ATG4C: variants seen among roughly 807,000 people sequenced by gnomAD.
The protein encoded by ATG4C is cysteine protease ATG4C.
A neutral mutation model predicts 57.6 loss-of-function variants in ATG4C; 56 were observed. The ratio of observed to expected loss-of-function variants is 0.97; its 90% confidence interval spans 0.78 to 1.21. The LOEUF is 1.21. ATG4C is among the 50% of genes most tolerant of loss of function. ATG4C has a pLI of 0.00. For synonymous variants in ATG4C, 157 were observed against 174.1 expected (o/e 0.90, Z 0.78); for missense variants, 595 against 529.8 (o/e 1.12, Z -1.21).
At chr1:62,784,544 A>G (rs1664018424) in intron 1 of ATG4C, among the ~76,000 whole-genome samples, 1 of 152,016 alleles carries the variant, frequency 6.6e-6, no homozygotes, top group Non-Finnish European at 1.5e-5. Flanking sequence ...GTTTTCTTAG[A>G]TGTTGCAGGC....
chr1:62,864,023 C>A lies in ATG4C; in HGVS notation c.1241C>A (p.Pro414His). 1.3e-6 allele frequency: 2 copies of A among 1,581,146 alleles called. No homozygotes were observed. The highest frequency in any genetic ancestry group is 2.3e-5 in the East Asian group (1 of 44,350). ...MLKFSSKEKY[P>H]LFTFVNGHSR... ...AAATTTTCTTCTAAGGAGAAATATC[C>A]CTTATTTACTTTTGTAAATGGTCAT... The change falls in exon 11 of 11, where the codon CCC becomes CAC. Residue 414 changes from proline (P) to histidine (H), a missense_variant. Coordinates refer to ENST00000317868, the MANE Select transcript of ATG4C (RefSeq NM_032852.4).
At chr1:62,793,848 A>G (rs979421358) in intron 1 of ATG4C, among the ~76,000 whole-genome samples, 9 of 150,698 alleles carry the variant, frequency 6.0e-5, no homozygotes, top group Admixed American at 1.3e-4. Flanking sequence ...AAGTCTCTAT[A>G]TTAACTTACG....
chr1:62,790,024 C>T (rs1664223767), intron 1 of ATG4C, among the ~76,000 whole-genome samples: 1 of 151,820 alleles, frequency 6.6e-6, no homozygotes, highest in Non-Finnish European at 1.5e-5. Flanking sequence ...AAGCGATTCT[C>T]CTGCCTCAGC....
rs1666944429 is a variant in ATG4C, at chr1:62,864,401, C to G, written c.*242C>G. The stretch of plus-strand genomic sequence containing the variant: ...TGCATTCCTATTTCCCTAAGATCTA[C>G]TAGTGATAATTCTACCTTAACTGTA... On this transcript the variant is annotated 3_prime_UTR_variant, in exon 11 of 11. Coordinates refer to ENST00000317868, the MANE Select transcript of ATG4C (RefSeq NM_032852.4). 3.0e-6 allele frequency: 1 copy of G among 338,584 alleles called. No individual in the cohort carries two copies. The highest frequency in any genetic ancestry group is 5.4e-6 in the Non-Finnish European group (1 of 185,022). The allele number at this position is 338,584 out of a possible 1,614,324, so 21.0% of individuals were successfully genotyped here. A position where few individuals can be genotyped will look rare whatever the true frequency, so the allele number is the denominator to read the frequency against.
At chr1:62,787,960 T>A (rs1664145114) in intron 1 of ATG4C, among the ~76,000 whole-genome samples, 1 of 152,002 alleles carries the variant, frequency 6.6e-6, no homozygotes, top group Non-Finnish European at 1.5e-5. Flanking sequence ...AGAAAAAAAA[T>A]TTATTTGGTA....
chr1:62,834,749 T>C (rs1431688172), intron 8 of ATG4C, 27 bp from the exon 9 acceptor site: 1 of 1,582,670 alleles, frequency 6.3e-7, no homozygotes, highest in Non-Finnish European at 8.7e-7. Flanking sequence ...TTTTTTGAAT[T>C]ACTTGTCTTC....
rs771319313 is a variant in ATG4C, at chr1:62,819,148, G to A, written c.538G>A (p.Glu180Lys). 2.7e-5 allele frequency: 44 copies of A among 1,613,098 alleles called. No individual in the cohort carries two copies. The South Asian group carries it at 4.2e-4, about 15-fold the overall frequency. The change falls in exon 5 of 11, where the codon GAA becomes AAA. Residue 180 changes from glutamate to lysine, a missense_variant. By Grantham distance (56) the Glu-to-Lys change is moderately conservative. Coordinates refer to ENST00000317868, the MANE Select transcript of ATG4C (RefSeq NM_032852.4). ...EFKTPTISLK[E>K]TIGKYSDDHE... ...CAAAACCCCAACAATTTCTCTGAAG[G>A]AAACAATTGGGAAATATTCTGATGA...
intron 1 of ATG4C, among the ~76,000 whole-genome samples, chr1:62,800,903 A>G (rs1307475496): frequency 2.0e-5 from 3 of 152,196 alleles, no homozygotes; most frequent in African/African-American, 7.2e-5. Flanking sequence ...TAGAGAGGGC[A>G]GTCAGGAAAT....
intron 9 of ATG4C, among the ~76,000 whole-genome samples, chr1:62,835,823 G>C (rs1169697253): frequency 6.6e-6 from 1 of 152,008 alleles, no homozygotes; most frequent in African/African-American, 2.4e-5. Flanking sequence ...ATATTTGCTA[G>C]TTGACTGATT....
At chr1:62,822,897 A>G (rs115877795) in intron 6 of ATG4C, among the ~76,000 whole-genome samples, 2,215 of 152,282 alleles carry the variant, frequency 0.015, 53 homozygotes, top group African/African-American at 0.051. Flanking sequence ...GCTCATGCCT[A>G]TAATCCCAGC....
At chr1:62,827,876 T>C (rs1231636364) in intron 6 of ATG4C, among the ~76,000 whole-genome samples, 1 of 152,196 alleles carries the variant, frequency 6.6e-6, no homozygotes, top group Non-Finnish European at 1.5e-5. Context: ...GTTCTAATCA[T>C]TTAGCTCCTA....
At chr1:62,816,034 GC>G (rs1250145611) in intron 3 of ATG4C, among the ~76,000 whole-genome samples, 25 of 152,166 alleles carry the variant, frequency 1.6e-4, no homozygotes, top group African/African-American at 5.8e-4. Flanking sequence ...ATAGATGTGA[GC>G]CACCATGCCT....
chr1:62,792,972 C>T (rs1664330611), intron 1 of ATG4C, among the ~76,000 whole-genome samples: 1 of 151,280 alleles, frequency 6.6e-6, no homozygotes, highest in African/African-American at 2.4e-5. Flanking sequence ...CTGCAAGCTG[C>T]ACGTCCCGGG....
At chr1:62,858,080 G>C (rs1470986672) in intron 10 of ATG4C, among the ~76,000 whole-genome samples, 6 of 152,186 alleles carry the variant, frequency 3.9e-5, no homozygotes, top group Non-Finnish European at 8.8e-5. Flanking sequence ...CAAGAGAATT[G>C]TAGAAGCTGT....
Position 62,841,613 on chromosome 1 carries a change from G to GTAA in ATG4C, c.1209+66_1209+67insTAA, listed in dbSNP as rs1247951666. The GTAA allele has an allele frequency of 2.4e-6, 3 of 1,275,812 alleles. No individual in the cohort carries two copies. The East Asian group carries it at 8.0e-5, about 34-fold the overall frequency. 79.0% of individuals were successfully genotyped at this position (1,275,812 alleles called of 1,614,324 possible). On this transcript the variant is annotated intron_variant, in intron 10 of 10. Coordinates refer to ENST00000317868, the MANE Select transcript of ATG4C (RefSeq NM_032852.4). The stretch of plus-strand genomic sequence containing the variant: ...TTTATTAGAAACAGACTGTCAGAAA[G>GTAA]CAAAAACCTGTAAATTATAATTTTT...
intron 6 of ATG4C, among the ~76,000 whole-genome samples, chr1:62,826,385 G>A (rs1417763566): frequency 1.3e-5 from 2 of 151,532 alleles, no homozygotes; most frequent in Admixed American, 6.6e-5. Context: ...ATAGGCGCCC[G>A]CCACCATGCC....
At chr1:62,853,311 C>T (rs956008904) in intron 10 of ATG4C, among the ~76,000 whole-genome samples, 1 of 152,158 alleles carries the variant, frequency 6.6e-6, no homozygotes, top group Admixed American at 6.5e-5. Flanking sequence ...CATTGCTGCA[C>T]TTCTTTGTGC....
At chr1:62,849,704 G>A (rs1040048611) in intron 10 of ATG4C, among the ~76,000 whole-genome samples, 1 of 151,956 alleles carries the variant, frequency 6.6e-6, no homozygotes, top group Non-Finnish European at 1.5e-5. Context: ...TAGAGCTGGT[G>A]TTTCACCATG....
chr1:62,828,900 A>G (rs2100331231), intron 6 of ATG4C, 140 bp from the exon 7 acceptor site: 2 of 701,066 alleles, frequency 2.9e-6, no homozygotes, highest in East Asian at 5.8e-5. Flanking sequence ...GGTATTTTTA[A>G]CTTACTAAGA....
Sources: gnomAD v4.1 joint callset for allele counts (sites outside exome capture counted in the v4.1 genomes callset) on GRCh38, gnomAD v4.1.1 for gene constraint, MANE v1.5 for transcripts, NCBI Gene and HGNC (gene_info 2026-07-23, HGNC 2026-07-21) for gene names.